ADGRG6: variants seen among roughly 807,000 people sequenced by gnomAD.
ADGRG6 encodes the protein G-protein coupled receptor 126.
Under a neutral mutation model 142.4 loss-of-function variants are expected in ADGRG6, and 84 were observed. The ratio of observed to expected loss-of-function variants is 0.59; its 90% confidence interval spans 0.49 to 0.71. ADGRG6 has a LOEUF of 0.71. Ranked by LOEUF, ADGRG6 falls within the 30% of genes least tolerant of loss-of-function variation. The pLI is 0.00. For missense variants in ADGRG6, 1,367 were observed against 1,466.6 expected (o/e 0.93, Z 1.11); for synonymous variants, 521 against 520.5 (o/e 1.00, Z -0.01).
At chr6:142,324,332 G>A (rs989098664) in intron 2 of ADGRG6, among the ~76,000 whole-genome samples, 10 of 151,906 alleles carry the variant, frequency 6.6e-5, no homozygotes, top group Non-Finnish European at 1.5e-5. Flanking sequence ...TTATTGATTG[G>A]CATTGAAGTT....
chr6:142,437,602 T>A, intron 23 of ADGRG6, 67 bp downstream of exon 23: 1 of 807,092 alleles, frequency 1.2e-6, no homozygotes, highest in East Asian at 2.5e-5. Context: ...CAGTCTTTCA[T>A]TGTCAGAGCA....
At chr6:142,421,709 T>C (rs896667939) in intron 22 of ADGRG6, among the ~76,000 whole-genome samples, 3 of 152,180 alleles carry the variant, frequency 2.0e-5, no homozygotes, top group African/African-American at 7.2e-5. Context: ...TTAATGAGAA[T>C]TGGGATGTTT....
At chr6:142,417,047 G>A in intron 20 of ADGRG6, 1 of 557,158 alleles carries the variant, frequency 1.8e-6, no homozygotes, top group African/African-American at 1.9e-5. Context: ...TGTCATTTAA[G>A]AGTAGGTTTG....
At chr6:142,403,129 G>A (rs1418735415) in intron 13 of ADGRG6, among the ~76,000 whole-genome samples, 4 of 151,314 alleles carry the variant, frequency 2.6e-5, no homozygotes, top group Admixed American at 1.3e-4. Context: ...AAATTTAGTC[G>A]ACCAGTAGAG....
At chr6:142,353,007 T>C (rs796345397) in intron 2 of ADGRG6, among the ~76,000 whole-genome samples, 45 of 152,296 alleles carry the variant, frequency 3.0e-4, no homozygotes, top group African/African-American at 1.0e-3. Flanking sequence ...CCTTTCCCTA[T>C]GTGAGATGAA....
chr6:142,313,809 A>G (rs983530692), intron 2 of ADGRG6, among the ~76,000 whole-genome samples: 4 of 152,198 alleles, frequency 2.6e-5, no homozygotes, highest in Non-Finnish European at 5.9e-5. Flanking sequence ...ATTGCAATCT[A>G]TATTTAAGAA....
intron 20 of ADGRG6, among the ~76,000 whole-genome samples, chr6:142,416,290 C>T (rs943559927): frequency 2.6e-5 from 4 of 152,128 alleles, no homozygotes; most frequent in African/African-American, 9.7e-5. Flanking sequence ...AGGAAAAGCC[C>T]TCACTCCCTG....
Position 142,419,977 on chromosome 6 carries a change from A to G in ADGRG6, c.3192A>G (p.Leu1064=), listed in dbSNP as rs1776582120. 6.2e-7 allele frequency: 1 copy of G among 1,613,562 alleles called. No individual in the cohort carries two copies. The highest frequency in any genetic ancestry group is 1.1e-5 in the South Asian group (1 of 91,082). Residue 1064 remains leucine (L), a synonymous_variant, in exon 22 of 25, where the codon TTA becomes TTG. Transcript: ENST00000367609. The part of the protein sequence containing the change: ...RSNRTLREEV[L]RNLRSVVSLT... ...ACCGGACCCTGAGAGAAGAAGTGTT[A>G]AGGAACCTGCGCAGTGTGGTTAGCT...
intron 2 of ADGRG6, among the ~76,000 whole-genome samples, chr6:142,310,289 G>A (rs1470679286): frequency 6.6e-6 from 1 of 151,790 alleles, no homozygotes; most frequent in Non-Finnish European, 1.5e-5. Flanking sequence ...AGAGGCTGAG[G>A]AATGTGAATG....
At chr6:142,343,202 G>T (rs1405027095) in intron 2 of ADGRG6, among the ~76,000 whole-genome samples, 1 of 151,358 alleles carries the variant, frequency 6.6e-6, no homozygotes, top group Non-Finnish European at 1.5e-5. Flanking sequence ...TGTTACCTAA[G>T]TGCCTATGCA....
At chr6:142,358,214 A>G (rs1015384974) in intron 2 of ADGRG6, among the ~76,000 whole-genome samples, 4 of 152,228 alleles carry the variant, frequency 2.6e-5, no homozygotes, top group African/African-American at 9.6e-5. Flanking sequence ...CTGCCTAGGT[A>G]ATCCATATGG....
At chr6:142,382,156 C>T in intron 5 of ADGRG6, 137 bp downstream of exon 5, 1 of 625,154 alleles carries the variant, frequency 1.6e-6, no homozygotes. Flanking sequence ...AGAATTTCTG[C>T]ATGTGTTTTA....
chr6:142,390,328 C>A lies in ADGRG6; in HGVS notation c.1293C>A (p.Ser431Arg), dbSNP rs1774822523. ...ILRHPEVKVQ[S>R]KVAEWLNSTF... Reference sequence around the variant, plus strand: ...GTCACCCTGAGGTAAAAGTACAGAGCAAGGTGGCAGAATGGGTAAGTGAGC... The same window carrying A: ...GTCACCCTGAGGTAAAAGTACAGAGAAAGGTGGCAGAATGGGTAAGTGAGC... Residue 431 changes from serine (S) to arginine (R), a missense_variant, in exon 7 of 25, where the codon AGC becomes AGA. Transcript: ENST00000367609. 1.3e-6 allele frequency: 2 copies of A among 1,591,890 alleles called. No individual in the cohort carries two copies. The highest frequency in any genetic ancestry group is 2.7e-5 in the African/African-American group (2 of 74,272).
chr6:142,419,968 A>C lies in ADGRG6; in HGVS notation c.3183A>C (p.Glu1061Asp), dbSNP rs1776581303. Reference sequence around the variant, plus strand: ...AGAGAAGCAACCGGACCCTGAGAGAAGAAGTGTTAAGGAACCTGCGCAGTG... The same window carrying C: ...AGAGAAGCAACCGGACCCTGAGAGACGAAGTGTTAAGGAACCTGCGCAGTG... ...NGKRSNRTLR[E>D]EVLRNLRSVV... is the part of the protein sequence containing the mutation. The change falls in exon 22 of 25, where the codon GAA (glutamate) becomes GAC (aspartate). Residue 1061 changes from glutamate to aspartate, a missense_variant. Physicochemically the swap from Glu to Asp is conservative, Grantham distance 45 (BLOSUM62 2). Transcript: ENST00000367609. 1 of 1,613,362 alleles carries C rather than the reference A, an allele frequency of 6.2e-7. No homozygotes were observed. Among genetic ancestry groups the C allele is most frequent in the Admixed American group, 1.7e-5 (1 of 59,872 alleles).
intron 24 of ADGRG6, among the ~76,000 whole-genome samples, chr6:142,440,233 A>G (rs1432733823): frequency 2.0e-5 from 3 of 152,152 alleles, no homozygotes; most frequent in African/African-American, 7.2e-5. Flanking sequence ...GGCAGACTTT[A>G]CTATTTTAAA....
intron 2 of ADGRG6, among the ~76,000 whole-genome samples, chr6:142,316,081 A>G (rs151198162): frequency 1.3e-5 from 2 of 152,214 alleles, no homozygotes; most frequent in East Asian, 3.9e-4. Context: ...TCTCAGGAAA[A>G]TGGTTTGAAT....
chr6:142,354,408 A>G (rs181772062), intron 2 of ADGRG6, among the ~76,000 whole-genome samples: 1 of 152,222 alleles, frequency 6.6e-6, no homozygotes, highest in Non-Finnish European at 1.5e-5. Flanking sequence ...AACAAACAAA[A>G]AAACTTTTGA....
rs1190425228 is a variant in ADGRG6, at chr6:142,444,649, AG to A, written c.*1136del. The A allele has an allele frequency of 2.0e-5, 3 of 152,162 alleles. No individual in the cohort carries two copies. The highest frequency in any genetic ancestry group is 4.4e-5 in the Non-Finnish European group (3 of 68,032). 9.4% of individuals were successfully genotyped at this position (152,162 alleles called of 1,614,324 possible). A position where few individuals can be genotyped will look rare whatever the true frequency, so the allele number is the denominator to read the frequency against. ...GGTTATAGTATATAAGAGCCTGAGG[AG>A]GTCTGGCAAGATAGATGGTGTATTA... On this transcript the variant is annotated 3_prime_UTR_variant, in exon 25 of 25. Transcript: ENST00000367609.
chr6:142,349,724 AC>A (rs926916994), intron 2 of ADGRG6, among the ~76,000 whole-genome samples: 14 of 152,058 alleles, frequency 9.2e-5, no homozygotes, highest in African/African-American at 3.4e-4. Context: ...GTAAACACAC[AC>A]AAAAAAAGGT....
Sources: allele counts gnomAD v4.1 joint callset (sites outside exome capture counted in the v4.1 genomes callset), GRCh38; gene constraint gnomAD v4.1.1; transcripts MANE v1.5; gene names NCBI Gene and HGNC (gene_info 2026-07-23, HGNC 2026-07-21).